The following SLC22A17 variants were observed in gnomAD, a reference collection of about 807,000 sequenced individuals.
SLC22A17 encodes the protein 24p3 receptor.
SLC22A17 carries 38 observed loss-of-function variants against 53.6 expected under a neutral mutation model. The observed-to-expected ratio is 0.71, with a 90% CI of 0.55 to 0.93. The LOEUF (loss-of-function observed/expected upper bound fraction) is 0.93, where lower values mean the gene tolerates loss of function less well. Ranked by LOEUF, SLC22A17 falls within the 40% of genes least tolerant of loss-of-function variation. The pLI, the probability that SLC22A17 is intolerant of heterozygous loss-of-function variation, is 0.00. For synonymous variants in SLC22A17, 379 were observed against 353.0 expected, an observed-to-expected ratio of 1.07 and a Z score of -0.82; for missense variants, 704 against 791.0, an observed-to-expected ratio of 0.89 and a Z score of 1.32.
In SLC22A17 at chr14:23,348,045, G is replaced by A. The variant is rs1455929421; in HGVS notation, c.1172-49C>T. ...TCAGAAGAAAACCCTGAGATCCCAG[G>A]ATCCTCCCACATGGGTGGTGGGGAC... On this transcript the variant is annotated intron_variant, in intron 6 of 9. Transcript: ENST00000397267. This position sits in a 1 kb window ranked among gnomAD's most constrained non-coding sequence, Gnocchi z 4.5. 1.2e-6 allele frequency: 2 copies of A among 1,611,592 alleles called. No homozygotes were observed. The highest frequency in any genetic ancestry group is 1.3e-5 in the African/African-American group (1 of 74,850).
At position 23,347,562 on chromosome 14, in the gene SLC22A17, T is replaced by C. The variant is rs186221654; in HGVS notation, c.1447A>G (p.Met483Val). 344 of 1,613,940 alleles carry C rather than the reference T, an allele frequency of 2.1e-4. 1 individual carries two copies. The East Asian group carries it at 7.2e-3, about 34-fold the overall frequency. The change falls in exon 8 of 10, where the codon ATG (methionine) becomes GTG (valine). Residue 483 changes from methionine to valine, a missense_variant. This residue lies in a region of SLC22A17 where 435 missense variants were observed against 529.0 expected (regional missense o/e 0.82). Coordinates refer to ENST00000397267, the Ensembl canonical transcript of SLC22A17. This position sits in a 1 kb window ranked among gnomAD's most constrained non-coding sequence, Gnocchi z 5.1. ...AGGGAAGCAATGCCGGTAAGGGTCA[T>C]GGAGAGAAGAAGGATGCCCCGGCGG...
chr14:23,346,863 T>C, exon 10 of SLC22A17: 1 of 1,539,074 alleles, frequency 6.5e-7, no homozygotes, highest in Non-Finnish European at 8.7e-7. Flanking sequence ...CCATGGCCCA[T>C]GTGGAGGCGC....
In SLC22A17 at chr14:23,346,701, G is replaced by T. The variant is rs541782512; in HGVS notation, c.1897C>A (p.Pro633Thr). 3.2e-6 allele frequency: 5 copies of T among 1,542,038 alleles called. No individual in the cohort carries two copies. In the African/African-American group the frequency reaches 4.0e-5, roughly 12 times the overall value. Residue 633 changes from proline (P) to threonine (T), a missense_variant, in exon 10 of 10, where the codon CCT becomes ACT. Coordinates refer to ENST00000397267, the Ensembl canonical transcript of SLC22A17. ...AGCGGGACGTGGTCACAGCGGGTAG[G>T]GGGTGGCTGCCGCAGCAGGGAAGGC...
In SLC22A17 at chr14:23,347,305, G is replaced by T; in HGVS notation, c.1550-93C>A. The T allele has an allele frequency of 6.8e-7, 1 of 1,468,180 alleles. No individual in the cohort carries two copies. The highest frequency in any genetic ancestry group is 9.2e-7 in the Non-Finnish European group (1 of 1,081,730). 90.9% of individuals were successfully genotyped at this position (1,468,180 alleles called of 1,614,324 possible). On this transcript the variant is annotated intron_variant, in intron 8 of 9. Coordinates refer to ENST00000397267, the Ensembl canonical transcript of SLC22A17. This position sits in a 1 kb window ranked among gnomAD's most constrained non-coding sequence, Gnocchi z 5.1. ...ATCCCCTTGGCTCTCTGTTCCCATGGCTCTAGCTGGGCAGGCTCTGGGCAT... is the reference window on the plus strand; with the variant it reads ...ATCCCCTTGGCTCTCTGTTCCCATGTCTCTAGCTGGGCAGGCTCTGGGCAT...
Position 23,348,360 on chromosome 14 carries a change from G to A in SLC22A17, c.1026-54C>T. 1 of 1,605,208 alleles carries A rather than the reference G, an allele frequency of 6.2e-7. No individual in the cohort carries two copies. Among genetic ancestry groups the A allele is most frequent in the Non-Finnish European group, 8.5e-7 (1 of 1,174,116 alleles). ...TGAGGCCTCCCTTCTCCTGATCTAG[G>A]GGTGGGAAATGTGCACCTCTGAGGG... On this transcript the variant is annotated intron_variant, in intron 5 of 9. Coordinates refer to ENST00000397267, the Ensembl canonical transcript of SLC22A17. This position sits in a 1 kb window ranked among gnomAD's most constrained non-coding sequence, Gnocchi z 4.5.
chr14:23,346,608 C>T, exon 10 of SLC22A17: 1 of 1,439,584 alleles, frequency 6.9e-7, no homozygotes, highest in Non-Finnish European at 9.1e-7. Flanking sequence ...TGCCACCTTT[C>T]TGTGTGGGCC....
Position 23,347,626 on chromosome 14 carries a change from C to T in SLC22A17, c.1383G>A (p.Leu461=). The T allele has an allele frequency of 6.2e-7, 1 of 1,614,004 alleles. No individual in the cohort carries two copies. The highest frequency in any genetic ancestry group is 1.1e-5 in the South Asian group (1 of 91,076). Reference sequence around the variant, plus strand: ...CGGTGACCCCCAGGAAGACACAGGCCAGGGCTGCGGTGCCGCTGGCCAGCA... The same window carrying T: ...CGGTGACCCCCAGGAAGACACAGGCTAGGGCTGCGGTGCCGCTGGCCAGCA... Residue 461 remains leucine, a synonymous_variant, in exon 8 of 10, where the codon CTG becomes CTA. Coordinates refer to ENST00000397267, the Ensembl canonical transcript of SLC22A17. The surrounding 1 kb of genome is among the most constrained non-coding windows in gnomAD (Gnocchi z 5.1).
chr14:23,351,116 G>A (rs898609679), intron 3 of SLC22A17: 2 of 152,212 alleles, frequency 1.3e-5, no homozygotes, highest in African/African-American at 2.4e-5. Flanking sequence ...TGAAGCTACC[G>A]ACTCATGGAA....
rs1889701855 is a variant in SLC22A17 at position 23,352,456 on chromosome 14, T to C, written c.97-5A>G. 2.2e-6 allele frequency: 1 copy of C among 444,540 alleles called. No individual in the cohort carries two copies. The highest frequency in any genetic ancestry group is 3.9e-6 in the Non-Finnish European group (1 of 256,386). 27.5% of individuals were successfully genotyped at this position (444,540 alleles called of 1,614,324 possible). A position where few individuals can be genotyped will look rare whatever the true frequency, so the allele number is the denominator to read the frequency against. Reference sequence around the variant, plus strand: ...ATCTCCGAGGGTCCCGACCTGCTGTTGGGGGGCAGGGGGTGGCAGGAGAAG... The same window carrying C: ...ATCTCCGAGGGTCCCGACCTGCTGTCGGGGGGCAGGGGGTGGCAGGAGAAG... On this transcript the variant is annotated splice_polypyrimidine_tract_variant and splice_region_variant and intron_variant, in intron 1 of 9. Transcript: ENST00000397267. The surrounding 1 kb of genome is among the most constrained non-coding windows in gnomAD (Gnocchi z 7.2).
In SLC22A17 at chr14:23,348,361, G is replaced by C; in HGVS notation, c.1026-55C>G. On this transcript the variant is annotated intron_variant, in intron 5 of 9. Transcript: ENST00000397267. This position sits in a 1 kb window ranked among gnomAD's most constrained non-coding sequence, Gnocchi z 4.5. ...GAGGCCTCCCTTCTCCTGATCTAGG[G>C]GTGGGAAATGTGCACCTCTGAGGGA... 6.2e-7 allele frequency: 1 copy of C among 1,604,814 alleles called. No homozygotes were observed. The highest frequency in any genetic ancestry group is 8.5e-7 in the Non-Finnish European group (1 of 1,173,998).
At position 23,348,209 on chromosome 14, in the gene SLC22A17, G is replaced by A. The variant is rs531132605; in HGVS notation, c.1123C>T (p.Arg375Trp). The change falls in exon 6 of 10, where the codon CGG becomes TGG. Residue 375 changes from arginine to tryptophan, a missense_variant. Transcript: ENST00000397267. The surrounding 1 kb of genome is among the most constrained non-coding windows in gnomAD (Gnocchi z 4.5). ...TCCCCCAGCATCTGCCCATGGGGCC[G>A]GTTTCGCTCAGCCAGGATCCTCAGC... The A allele has an allele frequency of 2.2e-5, 36 of 1,613,996 alleles. No homozygotes were observed. The highest frequency in any genetic ancestry group is 2.9e-5 in the Non-Finnish European group (34 of 1,180,006).
At chr14:23,349,773 A>C in intron 3 of SLC22A17, 1 of 314,530 alleles carries the variant, frequency 3.2e-6, no homozygotes, top group Non-Finnish European at 6.0e-6. Context: ...AACAGAGCTA[A>C]TGGTCAGTGG....
At chr14:23,346,525 C>A (rs1165759724) in exon 10 of SLC22A17, 2 of 1,263,790 alleles carry the variant, frequency 1.6e-6, no homozygotes, top group East Asian at 5.2e-5. Flanking sequence ...GAGCTCTCCG[C>A]GATGGCTGGC....
rs562041914 is a variant in SLC22A17 at position 23,349,459 on chromosome 14, ACT to A, written c.705-35_705-34del. On this transcript the variant is annotated intron_variant, in intron 3 of 9. Coordinates refer to ENST00000397267, the Ensembl canonical transcript of SLC22A17. The stretch of plus-strand genomic sequence containing the variant: ...GTGGGAAGGGCTTCTGGTCACCCAG[ACT>A]CTCTGGTGGTGGGAAAGTTGCTGGG... The A allele has an allele frequency of 1.7e-3, 2,755 of 1,594,476 alleles. 6 individuals are homozygous for A. Among genetic ancestry groups the A allele is most frequent in the Middle Eastern group, 6.9e-3 (32 of 4,636 alleles).
exon 10 of SLC22A17, chr14:23,346,380 G>C: frequency 2.3e-6 from 1 of 440,708 alleles, no homozygotes; most frequent in Non-Finnish European, 4.0e-6. Context: ...AATGAGGTCT[G>C]GGTGGATGTC....
rs777063932 is a variant in SLC22A17 at position 23,351,745 on chromosome 14, C to A, written c.704+7G>T. ...TCTACCAGCCCTGCCCCCACGACAG[C>A]CCTCACCTGTCTGCGGGGTAACCCA... On this transcript the variant is annotated splice_region_variant and intron_variant, in intron 3 of 9. Transcript: ENST00000397267. 1.7e-5 allele frequency: 28 copies of A among 1,611,374 alleles called. No individual in the cohort carries two copies. Among genetic ancestry groups the A allele is most frequent in the Non-Finnish European group, 2.4e-5 (28 of 1,178,888 alleles).
chr14:23,347,733 T>G lies in SLC22A17; in HGVS notation c.1278-2A>C. 1 of 1,613,134 alleles carries G rather than the reference T, an allele frequency of 6.2e-7. No homozygotes were observed. The highest frequency in any genetic ancestry group is 8.5e-7 in the Non-Finnish European group (1 of 1,179,470). On this transcript the variant is annotated splice_acceptor_variant, in intron 7 of 9. Transcript: ENST00000397267. LOFTEE classifies it high-confidence loss of function. This position sits in a 1 kb window ranked among gnomAD's most constrained non-coding sequence, Gnocchi z 5.1. ...TGGCGAATGGCATGGGCAATGAAGC[T>G]GTGAGAAGGGGTGGGGAAGCAACGA...
At chr14:23,351,880 G>A (rs1446465323) in intron 2 of SLC22A17, 25 bp from the exon 3 acceptor site, 1 of 1,611,712 alleles carries the variant, frequency 6.2e-7, no homozygotes, top group South Asian at 1.1e-5. Flanking sequence ...AGGGTGCAGC[G>A]GGCGTGAGGC....
chr14:23,352,159 G>T lies in SLC22A17; in HGVS notation c.389C>A (p.Ala130Asp). Residue 130 changes from alanine (A) to aspartate (D), a missense_variant, in exon 2 of 10, where the codon GCC becomes GAC. Around this residue, in one of 4 missense-constraint regions of SLC22A17, gnomAD observed 435 missense variants for 529.0 expected, o/e 0.82. Transcript: ENST00000397267. This position sits in a 1 kb window ranked among gnomAD's most constrained non-coding sequence, Gnocchi z 7.2. ...CCAGCCAGAGGCATTAGGGGGGAAG[G>T]CCCCGTAGTGGCAATGCAGCGGGGG... is the stretch of plus-strand genomic sequence containing the variant. 1 of 1,545,862 alleles carries T rather than the reference G, an allele frequency of 6.5e-7. No homozygotes were observed. Among genetic ancestry groups the T allele is most frequent in the Non-Finnish European group, 8.7e-7 (1 of 1,150,350 alleles).
Sources: allele counts gnomAD v4.1 joint callset, GRCh38; gene constraint gnomAD v4.1.1; regional missense constraint gnomAD v4.1.1; non-coding constraint Gnocchi (gnomAD v3.1); transcripts MANE v1.5; gene names NCBI Gene and HGNC (gene_info 2026-07-23, HGNC 2026-07-21).